The following SERPINF1 variants were observed in gnomAD, a reference collection of about 807,000 sequenced individuals.
SERPINF1 encodes serpin family F member 1.
A neutral mutation model predicts 37.3 loss-of-function variants in SERPINF1; 29 were observed. That is an observed-to-expected ratio of 0.78 (90% CI 0.58 to 1.06). The LOEUF (loss-of-function observed/expected upper bound fraction) is 1.06. Ranked by LOEUF, SERPINF1 falls within the 50% of genes least tolerant of loss-of-function variation. SERPINF1 has a pLI of 0.00. For synonymous variants in SERPINF1, 281 were observed against 227.9 expected (o/e 1.23, Z -2.10); for missense variants, 553 against 532.2 (o/e 1.04, Z -0.38).
At chr17:1,766,733 A>T (rs1399276568) in intron 1 of SERPINF1, 170 bp from the exon 2 acceptor site, 2 of 552,492 alleles carry the variant, frequency 3.6e-6, no homozygotes, top group African/African-American at 5.8e-5. Flanking sequence ...CATCAAGCTG[A>T]GGGTCCACTT....
rs144198046 is a variant in SERPINF1, at chr17:1,777,265, G to A, written c.1076G>A (p.Arg359Gln). Residue 359 changes from arginine to glutamine, a missense_variant, in exon 8 of 8, where the codon CGG becomes CAG. Coordinates refer to ENST00000254722, the MANE Select transcript of SERPINF1 (RefSeq NM_002615.7). ...ATCAAGCTGACTCAGGTGGAACACC[G>A]GGCTGGCTTTGAGTGGAACGAGGAT... The part of the protein sequence containing the change: ...KPIKLTQVEH[R>Q]AGFEWNEDGA... 497 of 1,614,116 alleles carry A rather than the reference G, an allele frequency of 3.1e-4. 1 individual carries two copies. The highest frequency in any genetic ancestry group is 6.4e-4 in the African/African-American group (48 of 75,016).
At position 1,776,786 on chromosome 17, in the gene SERPINF1, G is replaced by A. The variant is rs755158798; in HGVS notation, c.997+44G>A. ...TCGCTCTTGGTGGGTGGATGGGGTGGGGCAGGGTCTTTGGGCCTTCCACTG... is the reference window on the plus strand; with the variant it reads ...TCGCTCTTGGTGGGTGGATGGGGTGAGGCAGGGTCTTTGGGCCTTCCACTG... On this transcript the variant is annotated intron_variant, in intron 7 of 7. Coordinates refer to ENST00000254722, the MANE Select transcript of SERPINF1 (RefSeq NM_002615.7). 5.0e-6 allele frequency: 8 copies of A among 1,588,796 alleles called. No homozygotes were observed. In the African/African-American group the frequency reaches 6.7e-5, roughly 13 times the overall value.
chr17:1,762,453 T>G (rs1304324602), intron 1 of SERPINF1, among the ~76,000 whole-genome samples: 2 of 151,998 alleles, frequency 1.3e-5, no homozygotes, highest in Non-Finnish European at 2.9e-5. Context: ...CTGGGTCGGG[T>G]CTGAGCAGCA....
At chr17:1,765,470 T>A (rs935139566) in intron 1 of SERPINF1, among the ~76,000 whole-genome samples, 1 of 151,554 alleles carries the variant, frequency 6.6e-6, no homozygotes, top group Non-Finnish European at 1.5e-5. Flanking sequence ...TACAGGGGCC[T>A]GCCACCACGC....
intron 1 of SERPINF1, among the ~76,000 whole-genome samples, chr17:1,764,380 C>T (rs12450371): frequency 0.32 from 48,530 of 152,092 alleles, 8,732 homozygotes; most frequent in South Asian, 0.52. Flanking sequence ...TGGCCCCAGC[C>T]GGGTGGAGAC....
rs999785884 is a variant in SERPINF1, at chr17:1,773,434, T to C, written c.643+1359T>C. ...CTAATTTTTGTATTTTCAGTAGAGA[T>C]GGGGTTTCGCCATGCTGGCCAGGCT... On this transcript the variant is annotated intron_variant, in intron 5 of 7. Transcript: ENST00000254722. Among the ~76,000 whole-genome samples the C allele has an allele frequency of 5.9e-5, 9 of 152,046 alleles. No individual in the cohort carries two copies. The East Asian group carries it at 1.7e-3, about 29-fold the overall frequency.
intron 2 of SERPINF1, among the ~76,000 whole-genome samples, chr17:1,768,576 C>A (rs1258582621): frequency 2.0e-5 from 3 of 151,536 alleles, no homozygotes; most frequent in Non-Finnish European, 4.4e-5. Flanking sequence ...TGAGTTCAAC[C>A]AATTCTCATG....
At position 1,771,104 on chromosome 17, in the gene SERPINF1, G is replaced by T. The variant is rs775629296; in HGVS notation, c.359G>T (p.Gly120Val). ...YDLISSPDIH[G>V]TYKELLDTVT... The stretch of plus-strand genomic sequence containing the variant: ...TTGATCAGCAGCCCAGACATCCATG[G>T]TACCTATAAGGAGCTCCTTGACACG... The change falls in exon 4 of 8, where the codon GGT becomes GTT. Residue 120 changes from glycine (G) to valine (V), a missense_variant. By Grantham distance (109) the Gly-to-Val change is moderately radical. Coordinates refer to ENST00000254722, the MANE Select transcript of SERPINF1 (RefSeq NM_002615.7). 1 of 1,614,052 alleles carries T rather than the reference G, an allele frequency of 6.2e-7. No individual in the cohort carries two copies. The highest frequency in any genetic ancestry group is 8.5e-7 in the Non-Finnish European group (1 of 1,179,996).
chr17:1,776,456 A>C, intron 6 of SERPINF1, 76 bp from the exon 7 acceptor site: 1 of 1,336,038 alleles, frequency 7.5e-7, no homozygotes. Context: ...GGGAGAGGGA[A>C]GGCAGCTCCT....
At chr17:1,764,547 G>C (rs1907259115) in intron 1 of SERPINF1, among the ~76,000 whole-genome samples, 1 of 152,374 alleles carries the variant, frequency 6.6e-6, no homozygotes, top group South Asian at 2.1e-4. Context: ...GCGGGGTTTA[G>C]AAAGAAAACC....
chr17:1,762,162 TCCC>T (rs1907131449), intron 1 of SERPINF1, 49 bp downstream of exon 1: 1 of 152,248 alleles, frequency 6.6e-6, no homozygotes, highest in Non-Finnish European at 1.5e-5. Flanking sequence ...CGGGAGAGGC[TCCC>T]CTGGGCTGGG....
chr17:1,775,024 T>G (rs748573341), intron 5 of SERPINF1, 34 bp from the exon 6 acceptor site: 4 of 1,613,856 alleles, frequency 2.5e-6, no homozygotes, highest in Admixed American at 3.3e-5. Flanking sequence ...TCTGGTCTCC[T>G]GGGGCTCAGA....
chr17:1,762,412 C>T (rs62088170), intron 1 of SERPINF1: 81,719 of 152,298 alleles, frequency 0.54, 23,386 homozygotes, highest in South Asian at 0.74. Context: ...AGCGGAGGGG[C>T]GGTCATGGGG....
chr17:1,762,394 TG>T (rs1907142520), intron 1 of SERPINF1: 1 of 152,240 alleles, frequency 6.6e-6, no homozygotes, highest in Non-Finnish European at 1.5e-5. Context: ...ATGAAGTGAG[TG>T]GGAAACAGCG....
At chr17:1,776,445 C>A in intron 6 of SERPINF1, 87 bp from the exon 7 acceptor site, 3 of 1,209,230 alleles carry the variant, frequency 2.5e-6, no homozygotes, top group South Asian at 2.4e-5. Context: ...GGCCCCGTCA[C>A]GGGAGAGGGA....
chr17:1,767,109 A>G, intron 2 of SERPINF1, 115 bp downstream of exon 2: 3 of 850,030 alleles, frequency 3.5e-6, no homozygotes, highest in South Asian at 3.5e-5. Flanking sequence ...TTGGGCCTTT[A>G]TTTCTCTAGG....
At chr17:1,769,136 G>A (rs1223950261) in intron 2 of SERPINF1, among the ~76,000 whole-genome samples, 6 of 151,844 alleles carry the variant, frequency 4.0e-5, no homozygotes, top group South Asian at 2.1e-4. Flanking sequence ...GGGGCTGGGC[G>A]CGGTGGCTCA....
chr17:1,766,702 A>T, intron 1 of SERPINF1: 1 of 572,958 alleles, frequency 1.7e-6, no homozygotes, highest in South Asian at 2.1e-5. Flanking sequence ...GGGCGGGAGA[A>T]CCTTGCTGGG....
chr17:1,771,941 C>T lies in SERPINF1; in HGVS notation c.509C>T (p.Thr170Met), dbSNP rs762383656. ...KSYGTRPRVL[T>M]GNPRLDLQEI... is the part of the protein sequence containing the mutation. ...TATGGGACCAGGCCCAGAGTCCTGA[C>T]GGGCAACCCTCGCTTGGACCTGCAA... Residue 170 changes from threonine (T) to methionine (M), a missense_variant, in exon 5 of 8, where the codon ACG (threonine) becomes ATG (methionine). By Grantham distance (81) the Thr-to-Met change is moderately conservative. Coordinates refer to ENST00000254722, the MANE Select transcript of SERPINF1 (RefSeq NM_002615.7). 2.2e-5 allele frequency: 35 copies of T among 1,613,896 alleles called. No individual in the cohort carries two copies. Among genetic ancestry groups the T allele is most frequent in the South Asian group, 5.5e-5 (5 of 91,074 alleles).
Sources: gnomAD v4.1 joint callset for allele counts (sites outside exome capture counted in the v4.1 genomes callset) on GRCh38, gnomAD v4.1.1 for gene constraint, MANE v1.5 for transcripts, NCBI Gene and HGNC (gene_info 2026-07-23, HGNC 2026-07-21) for gene names.